Variants in FNBP4 observed in about 807,000 individuals in gnomAD.
FNBP4 encodes the protein formin-binding protein 4.
In FNBP4, 34 loss-of-function variants were observed where a neutral mutation model predicts 119.3. The observed-to-expected ratio is 0.28, with a 90% CI of 0.22 to 0.38. The LOEUF is 0.38. Among genes scored for constraint, FNBP4 ranks in the 10% least tolerant of loss-of-function variants. The pLI, the probability that FNBP4 is intolerant of heterozygous loss-of-function variation, is 1.00. For missense variants in FNBP4, 1,112 were observed against 1,228.9 expected, an observed-to-expected ratio of 0.90 and a Z score of 1.42; for synonymous variants, 462 against 430.6, an observed-to-expected ratio of 1.07 and a Z score of -0.90.
chr11:47,731,817 AC>A lies in FNBP4; in HGVS notation c.1821-257del, dbSNP rs2097567755. ...CTCCAACAGATGAGACTTAGAAAAC[AC>A]TTTTCTCTTTTTTTGTGATTTGCCA... On this transcript the variant is annotated intron_variant, in intron 11 of 16. Coordinates refer to ENST00000263773, the MANE Select transcript of FNBP4 (RefSeq NM_015308.5). 9 of 1,191,998 alleles carry A rather than the reference AC, an allele frequency of 7.6e-6. No homozygotes were observed. The East Asian group carries it at 2.2e-4, about 29-fold the overall frequency. The allele number at this position is 1,191,998 out of a possible 1,614,324, so 73.8% of individuals were successfully genotyped here. A position where few individuals can be genotyped will look rare whatever the true frequency, so the allele number is the denominator to read the frequency against.
Position 47,742,868 on chromosome 11 carries a change from CA to C in FNBP4, c.1456+1084del, listed in dbSNP as rs546051871. Among the ~76,000 whole-genome samples the C allele has an allele frequency of 3.3e-4, 50 of 151,830 alleles. No individual in the cohort carries two copies. The South Asian group carries it at 4.6e-3, about 14-fold the overall frequency. ...CTGCACCATTGCACTCCAGCCTGGG[CA>C]ACAAGAGTGAAACTCCGTCTCAAAA... On this transcript the variant is annotated intron_variant, in intron 8 of 16. Transcript: ENST00000263773.
At chr11:47,752,320 G>C (rs957285555) in intron 4 of FNBP4, among the ~76,000 whole-genome samples, 1 of 151,492 alleles carries the variant, frequency 6.6e-6, no homozygotes, top group African/African-American at 2.4e-5. Context: ...AGCTGCTCAG[G>C]AGACTGAGGC....
intron 2 of FNBP4, among the ~76,000 whole-genome samples, chr11:47,755,916 A>G (rs1414752064): frequency 6.6e-6 from 1 of 152,236 alleles, no homozygotes; most frequent in Non-Finnish European, 1.5e-5. Context: ...TCTTGATTTT[A>G]GAATTTGGTG....
In FNBP4 at chr11:47,734,136, T is replaced by A. The variant is rs1268015268; in HGVS notation, c.1582-7A>T. The A allele has an allele frequency of 1.6e-5, 25 of 1,521,712 alleles. No homozygotes were observed. Among genetic ancestry groups the A allele is most frequent in the African/African-American group, 2.8e-5 (2 of 71,036 alleles). 94.3% of individuals were successfully genotyped at this position (1,521,712 alleles called of 1,614,324 possible). ...CCAGTTCTCCAATCTGAAACTACAA[T>A]GCAAAAAAGAAAAAAAGTAAAACTA... is the stretch of plus-strand genomic sequence containing the variant. On this transcript the variant is annotated splice_polypyrimidine_tract_variant and splice_region_variant and intron_variant, in intron 9 of 16. Coordinates refer to ENST00000263773, the MANE Select transcript of FNBP4 (RefSeq NM_015308.5).
chr11:47,754,411 G>A (rs1324077010), intron 3 of FNBP4, 117 bp downstream of exon 3: 2 of 955,096 alleles, frequency 2.1e-6, no homozygotes. Flanking sequence ...AGAGAGTGTT[G>A]GAGGGAGAGG....
chr11:47,723,954 G>C, intron 14 of FNBP4, 74 bp downstream of exon 14: 1 of 1,354,772 alleles, frequency 7.4e-7, no homozygotes, highest in Non-Finnish European at 1.0e-6. Flanking sequence ...CATTTCTTTA[G>C]TTTTTATGGC....
intron 8 of FNBP4, chr11:47,743,721 G>A (rs2097585486): frequency 1.1e-5 from 6 of 535,508 alleles, no homozygotes; most frequent in Non-Finnish European, 2.0e-5. Flanking sequence ...AAATGGGACT[G>A]GACTCTGAAT....
Position 47,754,678 on chromosome 11 carries a change from G to C in FNBP4, c.314-14C>G, listed in dbSNP as rs201524674. ...AGCATAGACCGCCTAGAAACAAAAA[G>C]GTAAACAGTATTTGTAACAACAATG... On this transcript the variant is annotated splice_polypyrimidine_tract_variant and intron_variant, in intron 2 of 16. Transcript: ENST00000263773. 479 of 1,611,036 alleles carry C rather than the reference G, an allele frequency of 3.0e-4. 4 individuals are homozygous for C. The highest frequency in any genetic ancestry group is 2.2e-3 in the Middle Eastern group (13 of 6,038).
At chr11:47,759,091 C>T (rs920568887) in intron 2 of FNBP4, among the ~76,000 whole-genome samples, 10 of 151,720 alleles carry the variant, frequency 6.6e-5, no homozygotes, top group Non-Finnish European at 1.2e-4. Flanking sequence ...TGCTAATTTT[C>T]GTACTTTTAG....
At chr11:47,745,537 G>C (rs1451411845) in intron 7 of FNBP4, among the ~76,000 whole-genome samples, 1 of 152,054 alleles carries the variant, frequency 6.6e-6, no homozygotes, top group Non-Finnish European at 1.5e-5. Context: ...CTCTGCTCTT[G>C]AACCCTGTTT....
intron 1 of FNBP4, 37 bp from the exon 2 acceptor site, chr11:47,765,399 G>A (rs548404600): frequency 1.5e-6 from 2 of 1,345,946 alleles, no homozygotes; most frequent in Non-Finnish European, 2.1e-6. Context: ...GAAAAGAAAA[G>A]AAAAGAAAAG....
intron 8 of FNBP4, 63 bp from the exon 9 acceptor site, chr11:47,736,803 T>G: frequency 7.2e-7 from 1 of 1,391,334 alleles, no homozygotes; most frequent in Non-Finnish European, 9.9e-7. Flanking sequence ...TATATACCTT[T>G]TCCCCCATAG....
intron 10 of FNBP4, 56 bp downstream of exon 10, chr11:47,733,969 G>T: frequency 1.2e-6 from 1 of 817,444 alleles, no homozygotes; most frequent in Non-Finnish European, 1.9e-6. Context: ...AACACATACA[G>T]CATTTCATTC....
intron 16 of FNBP4, 139 bp from the exon 17 acceptor site, chr11:47,717,651 C>T: frequency 1.5e-6 from 1 of 665,584 alleles, no homozygotes; most frequent in Non-Finnish European, 2.6e-6. Context: ...TGTTTCTCAG[C>T]CAAACATCAG....
chr11:47,754,450 AC>A, intron 3 of FNBP4, 77 bp downstream of exon 3: 1 of 1,428,076 alleles, frequency 7.0e-7, no homozygotes, highest in Non-Finnish European at 9.7e-7. Flanking sequence ...CATTGAACTG[AC>A]AAGTACGCTG....
chr11:47,765,263 A>G lies in FNBP4; in HGVS notation c.313+7T>C. On this transcript the variant is annotated splice_region_variant and intron_variant, in intron 2 of 16. Coordinates refer to ENST00000263773, the MANE Select transcript of FNBP4 (RefSeq NM_015308.5). Reference sequence around the variant, plus strand: ...GAAAAAATGTAAAAAACAAAACAAAAGCATACCTGTTGCTTTAACAGCTGT... The same window carrying G: ...GAAAAAATGTAAAAAACAAAACAAAGGCATACCTGTTGCTTTAACAGCTGT... 6.3e-7 allele frequency: 1 copy of G among 1,589,272 alleles called. No homozygotes were observed. Among genetic ancestry groups the G allele is most frequent in the Non-Finnish European group, 8.6e-7 (1 of 1,167,240 alleles).
chr11:47,719,794 A>T, intron 16 of FNBP4, 135 bp downstream of exon 16: 1 of 927,420 alleles, frequency 1.1e-6, no homozygotes, highest in Non-Finnish European at 1.6e-6. Flanking sequence ...AGAAACCTTT[A>T]GATAAATTTA....
At chr11:47,733,830 T>C (rs892166109) in intron 10 of FNBP4, among the ~76,000 whole-genome samples, 195 bp downstream of exon 10, 2 of 152,172 alleles carry the variant, frequency 1.3e-5, no homozygotes, top group Non-Finnish European at 2.9e-5. Context: ...ATAATTTTAA[T>C]TTGTGAGAAA....
intron 2 of FNBP4, among the ~76,000 whole-genome samples, chr11:47,759,052 A>G (rs2097626783): frequency 6.8e-6 from 1 of 146,886 alleles, no homozygotes; most frequent in African/African-American, 2.5e-5. Flanking sequence ...CCGAGTAGCT[A>G]GGATTAACAG....
Sources: allele counts gnomAD v4.1 joint callset (sites outside exome capture counted in the v4.1 genomes callset), GRCh38; gene constraint gnomAD v4.1.1; transcripts MANE v1.5; gene names NCBI Gene and HGNC (gene_info 2026-07-23, HGNC 2026-07-21).